The following NFKBID variants were observed in gnomAD, a reference collection of about 807,000 sequenced individuals.
NFKBID encodes the protein NF-kappa-B inhibitor delta.
NFKBID carries 26 observed loss-of-function variants against 53.4 expected under a neutral mutation model. The observed-to-expected ratio is 0.49, with a 90% CI of 0.36 to 0.68. The LOEUF (loss-of-function observed/expected upper bound fraction) is 0.68. NFKBID is among the 30% of genes least tolerant of loss of function. The pLI is 0.00. For synonymous variants in NFKBID, 262 were observed against 259.8 expected (o/e 1.01, Z -0.08); for missense variants, 493 against 614.1 (o/e 0.80, Z 2.08).
At chr19:35,900,188 C>T (rs986631071) in intron 1 of NFKBID, among the ~76,000 whole-genome samples, 7 of 149,436 alleles carry the variant, frequency 4.7e-5, no homozygotes, top group African/African-American at 1.8e-4. Flanking sequence ...TCCCAAGCCT[C>T]CCAGCCCTTG....
At chr19:35,891,833 A>C (rs1452627754) in intron 9 of NFKBID, among the ~76,000 whole-genome samples, 9 of 151,698 alleles carry the variant, frequency 5.9e-5, no homozygotes, top group African/African-American at 1.5e-4. Context: ...CACCATTGCA[A>C]TCCAGCCTGG....
At chr19:35,900,583 T>C (rs2146974425) in exon 1 of NFKBID, 6 of 1,231,120 alleles carry the variant, frequency 4.9e-6, no homozygotes, top group Non-Finnish European at 5.1e-6. Flanking sequence ...CTAGGGGTTA[T>C]GGCACCGCCC....
At chr19:35,897,594 G>C in intron 4 of NFKBID, 57 bp downstream of exon 4, 2 of 855,182 alleles carry the variant, frequency 2.3e-6, no homozygotes, top group Non-Finnish European at 4.0e-6. Flanking sequence ...TACTGCAGGA[G>C]TGCAACTGCG....
At chr19:35,890,335 T>G in intron 10 of NFKBID, 39 bp downstream of exon 10, 2 of 1,364,996 alleles carry the variant, frequency 1.5e-6, no homozygotes, top group Non-Finnish European at 2.1e-6. Flanking sequence ...CCCCCTACCG[T>G]ACCCCACACA....
At chr19:35,900,537 C>A (rs1975504811) in exon 1 of NFKBID, 2 of 1,231,692 alleles carry the variant, frequency 1.6e-6, no homozygotes, top group Non-Finnish European at 2.0e-6. Flanking sequence ...GCCGCCGGGT[C>A]CCCGATCTTG....
intron 9 of NFKBID, among the ~76,000 whole-genome samples, chr19:35,892,466 C>T (rs1168884066): frequency 6.6e-6 from 1 of 151,194 alleles, no homozygotes; most frequent in Admixed American, 6.6e-5. Flanking sequence ...AGGAGAATCA[C>T]TTGAACCTGG....
intron 9 of NFKBID, among the ~76,000 whole-genome samples, chr19:35,894,401 A>G (rs1028463351): frequency 3.3e-5 from 5 of 152,146 alleles, no homozygotes; most frequent in African/African-American, 1.2e-4. Flanking sequence ...TCTCTCTGAC[A>G]GTCACAAGCT....
rs1975162356 is a variant in NFKBID, at chr19:35,896,499, T to C, written c.724A>G (p.Ile242Val). The C allele has an allele frequency of 1.5e-5, 24 of 1,613,962 alleles. No homozygotes were observed. Among genetic ancestry groups the C allele is most frequent in the East Asian group, 2.2e-5 (1 of 44,854 alleles). The change falls in exon 7 of 12, where the codon ATT (isoleucine) becomes GTT (valine). Residue 242 changes from isoleucine to valine, a missense_variant. Physicochemically the swap from Ile to Val is conservative, Grantham distance 29. Transcript: ENST00000641389. The surrounding 1 kb of genome is among the most constrained non-coding windows in gnomAD (Gnocchi z 5.7). ...CCCAGGTTCAACAGATCCTCCACAATCAGGGGCTGGTTGGCAGCAGCCGCC... is the reference window on the plus strand; with the variant it reads ...CCCAGGTTCAACAGATCCTCCACAACCAGGGGCTGGTTGGCAGCAGCCGCC...
Position 35,896,768 on chromosome 19 carries a change from G to A in NFKBID, c.642C>T (p.Leu214=). The A allele has an allele frequency of 6.2e-7, 1 of 1,613,918 alleles. No homozygotes were observed. The highest frequency in any genetic ancestry group is 1.7e-5 in the Admixed American group (1 of 60,008). The stretch of plus-strand genomic sequence containing the variant: ...GAATGTCAAGACGCCGGTACACCTG[G>A]AGCACCTCAGCCGCAGCATATGCCG... The change falls in exon 6 of 12, where the codon CTC becomes CTT. Residue 214 remains leucine, a synonymous_variant. Coordinates refer to ENST00000641389, the Ensembl canonical transcript of NFKBID. The surrounding 1 kb of genome is among the most constrained non-coding windows in gnomAD (Gnocchi z 5.7).
chr19:35,902,281 C>T, upstream of NFKBID: 1 of 707,762 alleles, frequency 1.4e-6, no homozygotes, highest in Non-Finnish European at 2.6e-6. Flanking sequence ...AACACACCCA[C>T]ATTCATTTAA....
intron 9 of NFKBID, among the ~76,000 whole-genome samples, chr19:35,892,091 C>T (rs1011846724): frequency 2.6e-5 from 4 of 151,760 alleles, no homozygotes; most frequent in Middle Eastern, 3.2e-3. Context: ...TGCTCTGTCA[C>T]CCAGGCTGGA....
intron 10 of NFKBID, 51 bp downstream of exon 10, chr19:35,890,322 GC>G (rs996878372): frequency 3.7e-5 from 46 of 1,243,054 alleles, no homozygotes; most frequent in Middle Eastern, 2.3e-4. Context: ...ACATCCCACT[GC>G]CCCCCCTACC....
chr19:35,897,550 A>G, intron 4 of NFKBID, 101 bp downstream of exon 4: 1 of 722,858 alleles, frequency 1.4e-6, no homozygotes, highest in Non-Finnish European at 2.5e-6. Flanking sequence ...GGCCTGGAAA[A>G]GGGAATCGTA....
At chr19:35,892,996 C>T (rs956983611) in intron 9 of NFKBID, among the ~76,000 whole-genome samples, 5 of 152,080 alleles carry the variant, frequency 3.3e-5, no homozygotes, top group East Asian at 1.9e-4. Context: ...GAGACCCCCC[C>T]TCTCTACAAA....
At chr19:35,890,687 G>C (rs561004258) in intron 9 of NFKBID, 197 bp from the exon 10 acceptor site, 1 of 644,956 alleles carries the variant, frequency 1.6e-6, no homozygotes, top group Non-Finnish European at 2.9e-6. Flanking sequence ...AACACAGCAA[G>C]ACCTCATCTC....
chr19:35,899,269 C>G (rs1975409279), intron 1 of NFKBID, among the ~76,000 whole-genome samples: 1 of 152,152 alleles, frequency 6.6e-6, no homozygotes, highest in South Asian at 2.1e-4. Context: ...CCCAGCGCCC[C>G]TCCTCGAGAA....
chr19:35,900,357 C>A lies in NFKBID; in HGVS notation c.61+85G>T, dbSNP rs1381759895. On this transcript the variant is annotated intron_variant, in intron 1 of 11. Coordinates refer to ENST00000641389, the Ensembl canonical transcript of NFKBID. ...GGGATAAAGGACTGACGCTTCAGCT[C>A]CGTCCCTCAGGGCCTCGGGAGTCTT... 3.1e-5 allele frequency: 32 copies of A among 1,045,116 alleles called. 1 individual carries two copies. The highest frequency in any genetic ancestry group is 6.9e-4 in the Middle Eastern group (2 of 2,898). 64.7% of individuals were successfully genotyped at this position (1,045,116 alleles called of 1,614,324 possible).
intron 1 of NFKBID, 97 bp from the exon 2 acceptor site, chr19:35,898,919 C>T: frequency 1.2e-6 from 1 of 848,368 alleles, no homozygotes; most frequent in Non-Finnish European, 1.8e-6. Context: ...GCACCCTCCT[C>T]GCCCTCCCGC....
In NFKBID at chr19:35,896,381, G is replaced by C. The variant is rs1361923045; in HGVS notation, c.831+11C>G. The C allele has an allele frequency of 7.4e-6, 12 of 1,614,170 alleles. No individual in the cohort carries two copies. The highest frequency in any genetic ancestry group is 1.0e-5 in the Non-Finnish European group (12 of 1,180,014). ...CCCCCAGACAAACCCCTGCCTGCCA[G>C]CTGGCCATACCAAGAGAACTCCTGG... is the stretch of plus-strand genomic sequence containing the variant. On this transcript the variant is annotated intron_variant, in intron 7 of 11. Coordinates refer to ENST00000641389, the Ensembl canonical transcript of NFKBID. This position sits in a 1 kb window ranked among gnomAD's most constrained non-coding sequence, Gnocchi z 5.7.
Sources: allele counts gnomAD v4.1 joint callset (sites outside exome capture counted in the v4.1 genomes callset), GRCh38; gene constraint gnomAD v4.1.1; non-coding constraint Gnocchi (gnomAD v3.1); transcripts MANE v1.5; gene names NCBI Gene and HGNC (gene_info 2026-07-23, HGNC 2026-07-21).